The following KCNQ5 variants were observed in gnomAD, a reference collection of about 807,000 sequenced individuals.
The protein encoded by KCNQ5 is potassium voltage-gated channel subfamily Q member 5.
KCNQ5 carries 30 observed loss-of-function variants against 98.2 expected under a neutral mutation model. The ratio of observed to expected loss-of-function variants is 0.31; its 90% CI spans 0.23 to 0.41. The LOEUF is 0.41. Among genes scored for constraint, KCNQ5 ranks in the 10% least tolerant of loss-of-function variants. The pLI is 1.00. For synonymous variants in KCNQ5, 458 were observed against 449.4 expected, an observed-to-expected ratio of 1.02 and a Z score of -0.24; for missense variants, 835 against 1,182.5, an observed-to-expected ratio of 0.71 and a Z score of 4.31.
chr6:73,116,699 AG>A (rs1167456602), intron 7 of KCNQ5, among the ~76,000 whole-genome samples: 2 of 152,140 alleles, frequency 1.3e-5, no homozygotes, highest in Non-Finnish European at 2.9e-5. Flanking sequence ...ATAATAAATA[AG>A]GATTCTTAAA....
chr6:72,699,726 G>C (rs1435403808), intron 1 of KCNQ5, among the ~76,000 whole-genome samples: 1 of 152,104 alleles, frequency 6.6e-6, no homozygotes, highest in African/African-American at 2.4e-5. Context: ...ACTTAGTTTA[G>C]TTCATGTTGG....
chr6:72,691,417 G>A (rs1582121835), intron 1 of KCNQ5, among the ~76,000 whole-genome samples: 1 of 152,268 alleles, frequency 6.6e-6, no homozygotes, highest in South Asian at 2.1e-4. Flanking sequence ...ATTGCTCTGC[G>A]GTTGACCCTT....
chr6:73,186,226 CAAAA>C (rs573218640), intron 11 of KCNQ5, among the ~76,000 whole-genome samples: 1 of 136,178 alleles, frequency 7.3e-6, no homozygotes, highest in African/African-American at 2.7e-5. Context: ...GACCTTGTCT[CAAAA>C]AAAAAAAAGA....
chr6:73,120,226 A>G (rs988903726), intron 7 of KCNQ5, among the ~76,000 whole-genome samples: 2 of 152,194 alleles, frequency 1.3e-5, no homozygotes, highest in Non-Finnish European at 1.5e-5. Context: ...AGCCTGGGCA[A>G]CAGAGTGAGA....
intron 1 of KCNQ5, among the ~76,000 whole-genome samples, chr6:72,668,175 G>T (rs113839099): frequency 0.013 from 2,020 of 152,204 alleles, 33 homozygotes; most frequent in African/African-American, 0.042. Flanking sequence ...ATAGTACAGG[G>T]TGTACAATTT....
chr6:73,000,969 G>A (rs1452684208), intron 1 of KCNQ5, among the ~76,000 whole-genome samples: 2 of 152,112 alleles, frequency 1.3e-5, no homozygotes, highest in Non-Finnish European at 2.9e-5. Flanking sequence ...ATCCTGTTCT[G>A]CAAACTTTGA....
At chr6:73,079,145 T>C (rs1024397489) in intron 5 of KCNQ5, among the ~76,000 whole-genome samples, 1 of 151,954 alleles carries the variant, frequency 6.6e-6, no homozygotes, top group Admixed American at 6.6e-5. Flanking sequence ...CTACAAAAAA[T>C]ACAAAAATTA....
In KCNQ5 at chr6:72,820,421, G is replaced by C. The variant is rs118177760; in HGVS notation, c.399-183487G>C. Among the ~76,000 whole-genome samples the C allele has an allele frequency of 4.4e-3, 668 of 152,118 alleles. 6 individuals are homozygous for C. Among genetic ancestry groups the C allele is most frequent in the Non-Finnish European group, 7.2e-3 (489 of 68,008 alleles). The stretch of plus-strand genomic sequence containing the variant: ...GGGTAAGCAGGCAGGGTGAAATATT[G>C]AGGACACTAACAAATCTAGTCACCC... On this transcript the variant is annotated intron_variant, in intron 1 of 13. Coordinates refer to ENST00000370398, the MANE Select transcript of KCNQ5 (RefSeq NM_019842.4).
chr6:72,851,505 C>T (rs1448394054), intron 1 of KCNQ5, among the ~76,000 whole-genome samples: 1 of 152,076 alleles, frequency 6.6e-6, no homozygotes, highest in Non-Finnish European at 1.5e-5. Context: ...TTTATTCCCA[C>T]TTGTTTTTTT....
intron 1 of KCNQ5, among the ~76,000 whole-genome samples, chr6:72,924,709 C>G (rs1310198464): frequency 6.6e-6 from 1 of 152,136 alleles, no homozygotes; most frequent in Non-Finnish European, 1.5e-5. Flanking sequence ...AACACTTCGA[C>G]CTCCCTTATG....
chr6:73,027,756 C>A (rs894984138), intron 2 of KCNQ5, among the ~76,000 whole-genome samples: 1 of 152,146 alleles, frequency 6.6e-6, no homozygotes, highest in African/African-American at 2.4e-5. Flanking sequence ...AAGCATCAAC[C>A]AAACTCTAGT....
At chr6:72,733,631 A>G (rs945005114) in intron 1 of KCNQ5, among the ~76,000 whole-genome samples, 2 of 152,260 alleles carry the variant, frequency 1.3e-5, no homozygotes, top group African/African-American at 4.8e-5. Flanking sequence ...CTGAGAAGTT[A>G]GCAGCAAGAG....
intron 2 of KCNQ5, among the ~76,000 whole-genome samples, chr6:73,010,814 C>A (rs975876478): frequency 2.0e-5 from 3 of 151,816 alleles, no homozygotes; most frequent in Admixed American, 6.6e-5. Context: ...ATTAACTTAA[C>A]CAAGGAGATG....
chr6:72,671,887 G>A (rs1212651986), intron 1 of KCNQ5, among the ~76,000 whole-genome samples: 2 of 151,962 alleles, frequency 1.3e-5, no homozygotes, highest in East Asian at 1.9e-4. Context: ...CACGATCTCG[G>A]CTCACTGCGA....
intron 1 of KCNQ5, among the ~76,000 whole-genome samples, chr6:72,992,702 A>T: frequency 1.1e-5 from 1 of 88,492 alleles, no homozygotes; most frequent in Non-Finnish European, 2.1e-5. Flanking sequence ...TCCTGTCATT[A>T]TGATGTTAGC....
Position 72,796,107 on chromosome 6 carries a change from T to C in KCNQ5, c.398+173520T>C, listed in dbSNP as rs1026724390. Among the ~76,000 whole-genome samples the C allele has an allele frequency of 2.6e-5, 4 of 152,110 alleles. No homozygotes were observed. In the South Asian group the frequency reaches 8.3e-4, roughly 32 times the overall value. On this transcript the variant is annotated intron_variant, in intron 1 of 13. Transcript: ENST00000370398. ...AATAGAGAAGTATTTATAATAGAAA[T>C]GTATTTGTGTTTCTAATAACCAATG...
chr6:72,680,487 C>A (rs928921603), intron 1 of KCNQ5, among the ~76,000 whole-genome samples: 3 of 152,172 alleles, frequency 2.0e-5, no homozygotes, highest in Non-Finnish European at 4.4e-5. Flanking sequence ...AGAGTAGGAG[C>A]AGGAATACCA....
chr6:72,694,957 T>G (rs912601447), intron 1 of KCNQ5, among the ~76,000 whole-genome samples: 1 of 150,276 alleles, frequency 6.7e-6, no homozygotes, highest in Non-Finnish European at 1.5e-5. Flanking sequence ...AGAGCTTTTG[T>G]GGTATTGGTT....
intron 9 of KCNQ5, among the ~76,000 whole-genome samples, chr6:73,131,087 C>CA (rs949080266): frequency 6.6e-6 from 1 of 152,096 alleles, no homozygotes; most frequent in East Asian, 1.9e-4. Flanking sequence ...ATATTATTCA[C>CA]ATTTTCCAAT....
Sources: allele counts gnomAD v4.1 joint callset (sites outside exome capture counted in the v4.1 genomes callset), GRCh38; gene constraint gnomAD v4.1.1; transcripts MANE v1.5; gene names NCBI Gene and HGNC (gene_info 2026-07-23, HGNC 2026-07-21).